Variants in PIK3C2B observed in about 807,000 individuals in gnomAD.
PIK3C2B encodes phosphatidylinositol-4-phosphate 3-kinase catalytic subunit type 2 beta.
PIK3C2B carries 83 observed loss-of-function variants against 184.3 expected under a neutral mutation model. The observed-to-expected ratio is 0.45, with a 90% CI of 0.38 to 0.54. The LOEUF is 0.54. Among genes scored for constraint, PIK3C2B ranks in the 20% least tolerant of loss-of-function variants. PIK3C2B has a pLI of 0.00. For missense variants in PIK3C2B, 1,736 were observed against 2,113.5 expected (o/e 0.82, Z 3.50); for synonymous variants, 779 against 837.6 (o/e 0.93, Z 1.21).
intron 1 of PIK3C2B, among the ~76,000 whole-genome samples, chr1:204,488,019 C>T (rs1018308027): frequency 2.0e-5 from 3 of 152,200 alleles, no homozygotes; most frequent in Non-Finnish European, 4.4e-5. Flanking sequence ...CTAAGTAGTT[C>T]ATTAATTAAC....
chr1:204,434,740 T>A, intron 23 of PIK3C2B, 132 bp from the exon 24 acceptor site: 1 of 631,392 alleles, frequency 1.6e-6, no homozygotes, highest in Non-Finnish European at 2.8e-6. Context: ...GTGTCTCACA[T>A]CTGCCTGTTC....
At chr1:204,459,383 C>T (rs1019440407) in intron 8 of PIK3C2B, among the ~76,000 whole-genome samples, 4 of 152,242 alleles carry the variant, frequency 2.6e-5, no homozygotes, top group African/African-American at 9.6e-5. Context: ...CAAATGTTGA[C>T]TCTCATGGTT....
intron 1 of PIK3C2B, among the ~76,000 whole-genome samples, chr1:204,478,947 C>T (rs1656919525): frequency 6.6e-6 from 1 of 152,204 alleles, no homozygotes; most frequent in African/African-American, 2.4e-5. Context: ...ACCATTTGGT[C>T]TCATGCACAC....
intron 1 of PIK3C2B, among the ~76,000 whole-genome samples, chr1:204,475,382 TG>T (rs148711022): frequency 0.049 from 7,494 of 152,188 alleles, 594 homozygotes; most frequent in African/African-American, 0.17. Flanking sequence ...TATTCAAAAT[TG>T]ACATGTTTAT....
rs116159440 is a variant in PIK3C2B at position 204,468,761 on chromosome 1, C to T, written c.933+109G>A. The T allele has an allele frequency of 1.8e-3, 1,854 of 1,030,876 alleles. 5 individuals are homozygous for T. Among genetic ancestry groups the T allele is most frequent in the Admixed American group, 7.9e-3 (280 of 35,340 alleles). The allele number at this position is 1,030,876 out of a possible 1,614,324, so 63.9% of individuals were successfully genotyped here. A position where few individuals can be genotyped will look rare whatever the true frequency, so the allele number is the denominator to read the frequency against. On this transcript the variant is annotated intron_variant, in intron 2 of 32. Transcript: ENST00000684373. Reference sequence around the variant, plus strand: ...GGGTCCCAAAGAGGGTAGGAGAGGCCTAAAGGGGTAAGGACTTGGCAGAGT... The same window carrying T: ...GGGTCCCAAAGAGGGTAGGAGAGGCTTAAAGGGGTAAGGACTTGGCAGAGT...
Position 204,447,362 on chromosome 1 carries a change from A to C in PIK3C2B, c.2489+74T>G. 6.8e-7 allele frequency: 1 copy of C among 1,460,478 alleles called. No individual in the cohort carries two copies. The highest frequency in any genetic ancestry group is 9.4e-7 in the Non-Finnish European group (1 of 1,059,326). The allele number at this position is 1,460,478 out of a possible 1,614,324, so 90.5% of individuals were successfully genotyped here. ...CCACCCCTTCCCACCTCCACTCCCAAAGCAGGAGGACGGAGACTCAGTGCT... is the reference window on the plus strand; with the variant it reads ...CCACCCCTTCCCACCTCCACTCCCACAGCAGGAGGACGGAGACTCAGTGCT... On this transcript the variant is annotated intron_variant, in intron 15 of 32. Transcript: ENST00000684373. This position sits in a 1 kb window ranked among gnomAD's most constrained non-coding sequence, Gnocchi z 4.1.
chr1:204,429,416 C>T (rs7339934), intron 29 of PIK3C2B, among the ~76,000 whole-genome samples: 21,746 of 152,108 alleles, frequency 0.14, 2,086 homozygotes, highest in African/African-American at 0.27. Flanking sequence ...GCTCAGAATC[C>T]AGAGTTATAC....
At chr1:204,461,961 C>G (rs61761708) in intron 5 of PIK3C2B, among the ~76,000 whole-genome samples, 2,567 of 152,246 alleles carry the variant, frequency 0.017, 29 homozygotes, top group South Asian at 0.055. Flanking sequence ...ACCCCCGGAG[C>G]GTCCTTTCCA....
chr1:204,447,541 G>A lies in PIK3C2B; in HGVS notation c.2384C>T (p.Thr795Ile). 6.2e-6 allele frequency: 10 copies of A among 1,611,524 alleles called. No homozygotes were observed. Among genetic ancestry groups the A allele is most frequent in the Non-Finnish European group, 8.5e-6 (10 of 1,178,354 alleles). ...FPTSAFDIKF[T>I]SPPGDKFSPR... ...GCTGAACTTGTCTCCAGGGGGGCTGGTGAACTTGATGTCAAAGGCCGAGGT... is the reference window on the plus strand; with the variant it reads ...GCTGAACTTGTCTCCAGGGGGGCTGATGAACTTGATGTCAAAGGCCGAGGT... The change falls in exon 15 of 33, where the codon ACC (threonine) becomes ATC (isoleucine). Residue 795 changes from threonine to isoleucine, a missense_variant. By Grantham distance (89) the Thr-to-Ile change is moderately conservative. Coordinates refer to ENST00000684373, the MANE Select transcript of PIK3C2B (RefSeq NM_001377334.1). This position sits in a 1 kb window ranked among gnomAD's most constrained non-coding sequence, Gnocchi z 4.1.
rs17334387 is a variant in PIK3C2B at position 204,427,702 on chromosome 1, G to A, written c.4533C>T (p.Ser1511=). The stretch of plus-strand genomic sequence containing the variant: ...AGAGTTTATTGTTTTTGTAGGAGAT[G>A]GACAGCTTCACCTCCCCTCCCACCT... ...VGKVGGEVKL[S]ISYKNNKLFI... The change falls in exon 31 of 33, where the codon TCC becomes TCT. Residue 1511 remains serine, a synonymous_variant. Coordinates refer to ENST00000684373, the MANE Select transcript of PIK3C2B (RefSeq NM_001377334.1). The A allele has an allele frequency of 0.097, 156,095 of 1,613,102 alleles. 9,057 individuals carry two copies. The highest frequency in any genetic ancestry group is 0.26 in the African/African-American group (19,651 of 74,894).
Position 204,449,882 on chromosome 1 carries a change from G to A in PIK3C2B, c.2202C>T (p.Gly734=), listed in dbSNP as rs1440576317. The A allele has an allele frequency of 6.2e-7, 1 of 1,613,318 alleles. No homozygotes were observed. Among genetic ancestry groups the A allele is most frequent in the Admixed American group, 1.7e-5 (1 of 59,938 alleles). ...NKQRRVPEAL[G]WVTTPLFNFR... ...AGTTGAAGAGTGGGGTAGTGACCCA[G>A]CCCAGGGCTTCAGGCACCCGCCGCT... Residue 734 remains glycine, a synonymous_variant, in exon 13 of 33, where the codon GGC becomes GGT. Transcript: ENST00000684373.
chr1:204,442,555 T>C lies in PIK3C2B; in HGVS notation c.3127A>G (p.Ser1043Gly). Residue 1043 changes from serine to glycine, a missense_variant, in exon 20 of 33, where the codon AGT becomes GGT. Transcript: ENST00000684373. ...GGCACAATTCCCTTAACCAGCAGAC[T>C]GGGGCTGAGTGGCAAGCGGCACGAG... is the stretch of plus-strand genomic sequence containing the variant. ...NGSCRLPLSPSLLVKGIVPRD... is the reference protein window; with the variant it reads ...NGSCRLPLSPGLLVKGIVPRD... 1.9e-6 allele frequency: 3 copies of C among 1,554,704 alleles called. No homozygotes were observed. The highest frequency in any genetic ancestry group is 2.6e-6 in the Non-Finnish European group (3 of 1,148,774).
intron 30 of PIK3C2B, 23 bp downstream of exon 30, chr1:204,428,116 A>C (rs1674846549): frequency 6.9e-7 from 1 of 1,444,050 alleles, no homozygotes; most frequent in Non-Finnish European, 9.7e-7. Flanking sequence ...GTTGGCAGTA[A>C]GGTCTCAGAG....
chr1:204,476,377 C>A (rs1230515051), intron 1 of PIK3C2B, among the ~76,000 whole-genome samples: 1 of 151,936 alleles, frequency 6.6e-6, no homozygotes, highest in Non-Finnish European at 1.5e-5. Flanking sequence ...TCAAGACCAT[C>A]CCTATGGGGG....
At position 204,443,413 on chromosome 1, in the gene PIK3C2B, T is replaced by A. The variant is rs1405882538; in HGVS notation, c.3048+4A>T. The A allele has an allele frequency of 4.3e-6, 7 of 1,613,280 alleles. No individual in the cohort carries two copies. Among genetic ancestry groups the A allele is most frequent in the Non-Finnish European group, 5.9e-6 (7 of 1,179,530 alleles). ...ATGGGTAGGGGCAGCCTCACCCCAC[T>A]AACCTGCCTTGCAGATGGGGCTGCC... is the stretch of plus-strand genomic sequence containing the variant. On this transcript the variant is annotated splice_donor_region_variant and intron_variant, in intron 19 of 32. Coordinates refer to ENST00000684373, the MANE Select transcript of PIK3C2B (RefSeq NM_001377334.1).
At chr1:204,488,849 A>T (rs1657812813) in intron 1 of PIK3C2B, among the ~76,000 whole-genome samples, 1 of 152,240 alleles carries the variant, frequency 6.6e-6, no homozygotes, top group Admixed American at 6.5e-5. Flanking sequence ...AAGTACCTAA[A>T]GTCACTAGTA....
chr1:204,441,178 AG>A, intron 21 of PIK3C2B, among the ~76,000 whole-genome samples: 1 of 152,326 alleles, frequency 6.6e-6, no homozygotes, highest in East Asian at 1.9e-4. Context: ...TGAATACCCA[AG>A]GGACAAGCGG....
chr1:204,436,168 C>T (rs965714753), intron 23 of PIK3C2B, among the ~76,000 whole-genome samples: 1 of 152,230 alleles, frequency 6.6e-6, no homozygotes, highest in Non-Finnish European at 1.5e-5. Context: ...GTGTGGGATA[C>T]TCTCTTGCTG....
rs748189408 is a variant in PIK3C2B, at chr1:204,465,309, C to T, written c.944G>A (p.Arg315Gln). 10 of 1,611,532 alleles carry T rather than the reference C, an allele frequency of 6.2e-6. No individual in the cohort carries two copies. The East Asian group carries it at 8.9e-5, about 14-fold the overall frequency. The stretch of plus-strand genomic sequence containing the variant: ...ATGGCCATTGGCAACAGTGTGGGGC[C>T]GGGAGCCCACCTTTAAGAGAAGAGC... Reference protein sequence around the residue: ...RRISAAPVGSRPHTVANGHEL... With the variant: ...RRISAAPVGSQPHTVANGHEL... The change falls in exon 3 of 33, where the codon CGG (arginine) becomes CAG (glutamine). Residue 315 changes from arginine (R) to glutamine (Q), a missense_variant. Around this residue, in one of 8 missense-constraint regions of PIK3C2B, gnomAD observed 404 missense variants for 418.0 expected, o/e 0.97. Transcript: ENST00000684373.
Sources: gnomAD v4.1 joint callset for allele counts (sites outside exome capture counted in the v4.1 genomes callset) on GRCh38, gnomAD v4.1.1 for gene constraint, gnomAD v4.1.1 regional missense constraint, Gnocchi (gnomAD v3.1) non-coding constraint, MANE v1.5 for transcripts, NCBI Gene and HGNC (gene_info 2026-07-23, HGNC 2026-07-21) for gene names.